The following JAKMIP1 variants were observed in gnomAD, a reference collection of about 807,000 sequenced individuals.
JAKMIP1 encodes janus kinase and microtubule interacting protein 1.
JAKMIP1 carries 33 observed loss-of-function variants against 113.0 expected under a neutral mutation model. The observed-to-expected ratio is 0.29, with a 90% CI of 0.22 to 0.39. The LOEUF (loss-of-function observed/expected upper bound fraction) is 0.39. JAKMIP1 is among the 10% of genes least tolerant of loss of function. The pLI, the probability that JAKMIP1 is intolerant of heterozygous loss-of-function variation, is 1.00. For synonymous variants in JAKMIP1, 480 were observed against 459.9 expected, an observed-to-expected ratio of 1.04 and a Z score of -0.56; for missense variants, 813 against 1,080.5, an observed-to-expected ratio of 0.75 and a Z score of 3.47.
rs1040798339 is a variant in JAKMIP1 at position 6,041,009 on chromosome 4, C to T, written c.2098-293G>A. The stretch of plus-strand genomic sequence containing the variant: ...AGAAGGGACCCACCTCAAACCAAGG[C>T]GCAAGTCACAGGAGTCCTTCTAGGT... On this transcript the variant is annotated intron_variant, in intron 17 of 20. Transcript: ENST00000409021. 5.9e-5 allele frequency among the ~76,000 whole-genome samples: 9 copies of T among 152,196 alleles called. No individual in the cohort carries two copies. The East Asian group carries it at 1.2e-3, about 20-fold the overall frequency.
chr4:6,072,874 T>A (rs1719169160), intron 8 of JAKMIP1, among the ~76,000 whole-genome samples: 1 of 151,718 alleles, frequency 6.6e-6, no homozygotes, highest in African/African-American at 2.4e-5. Flanking sequence ...AGGTCAGGAG[T>A]TCGAGACCAG....
rs549889580 is a variant in JAKMIP1, at chr4:6,044,316, G to A, written c.2029-2089C>T. Among the ~76,000 whole-genome samples the A allele has an allele frequency of 1.3e-5, 2 of 152,118 alleles. No homozygotes were observed. The highest frequency in any genetic ancestry group is 2.9e-5 in the Non-Finnish European group (2 of 68,026). On this transcript the variant is annotated intron_variant, in intron 16 of 20. Coordinates refer to ENST00000409021, the MANE Select transcript of JAKMIP1 (RefSeq NM_001099433.2). This position sits in a 1 kb window ranked among gnomAD's most constrained non-coding sequence, Gnocchi z 4.4. ...AGCAGGTGCCTAATAAACTTCTGTC[G>A]AATGAAGGAGAATCAAGGCTGTGCA...
rs577255790 is a variant in JAKMIP1, at chr4:6,181,524, C to T, written c.-148+18729G>A. Among the ~76,000 whole-genome samples, 64 of 152,268 alleles carry T rather than the reference C, an allele frequency of 4.2e-4. No individual in the cohort carries two copies. The highest frequency in any genetic ancestry group is 1.5e-3 in the African/African-American group (63 of 41,562). On this transcript the variant is annotated intron_variant, in intron 1 of 20. Coordinates refer to ENST00000409021, the MANE Select transcript of JAKMIP1 (RefSeq NM_001099433.2). This position sits in a 1 kb window ranked among gnomAD's most constrained non-coding sequence, Gnocchi z 5.4. ...GGAGCTCCTAGCCAAGCAAAGGAGA[C>T]ACTGTAACAAGCCCAGGTGATAACT...
chr4:6,101,768 T>C (rs1335888299), intron 3 of JAKMIP1, among the ~76,000 whole-genome samples: 1 of 146,874 alleles, frequency 6.8e-6, no homozygotes, highest in East Asian at 2.0e-4. Flanking sequence ...TAGCCGGGCA[T>C]GGTGGCAGGC....
At position 6,156,798 on chromosome 4, in the gene JAKMIP1, T is replaced by A. The variant is rs1407293194; in HGVS notation, c.-148+43455A>T. On this transcript the variant is annotated intron_variant, in intron 1 of 20. Coordinates refer to ENST00000409021, the MANE Select transcript of JAKMIP1 (RefSeq NM_001099433.2). This position sits in a 1 kb window ranked among gnomAD's most constrained non-coding sequence, Gnocchi z 5.0. The stretch of plus-strand genomic sequence containing the variant: ...CCCCAGATGTCTGGTCTTGGGAATC[T>A]CATGGCCACACCTGGCACATGGACA... 6.6e-6 allele frequency among the ~76,000 whole-genome samples: 1 copy of A among 152,258 alleles called. No individual in the cohort carries two copies. Among genetic ancestry groups the A allele is most frequent in the African/African-American group, 2.4e-5 (1 of 41,464 alleles).
chr4:6,175,269 C>T (rs1188495916), intron 1 of JAKMIP1, among the ~76,000 whole-genome samples: 1 of 152,168 alleles, frequency 6.6e-6, no homozygotes, highest in East Asian at 1.9e-4. Flanking sequence ...TGTGATAGAA[C>T]CGGGACACAA....
At chr4:6,066,360 G>A (rs1163441423) in intron 8 of JAKMIP1, among the ~76,000 whole-genome samples, 1 of 152,150 alleles carries the variant, frequency 6.6e-6, no homozygotes, top group East Asian at 1.9e-4. Context: ...TGCTGCAAGG[G>A]AGGCACCCAC....
chr4:6,048,832 G>A (rs765240923), intron 16 of JAKMIP1, 25 bp downstream of exon 16: 4 of 1,602,550 alleles, frequency 2.5e-6, no homozygotes, highest in Non-Finnish European at 3.4e-6. Flanking sequence ...CAAGGTGTGA[G>A]CACAGAAATG....
At position 6,040,500 on chromosome 4, in the gene JAKMIP1, C is replaced by G; in HGVS notation, c.2175+139G>C. 1 of 715,588 alleles carries G rather than the reference C, an allele frequency of 1.4e-6. No individual in the cohort carries two copies. The allele number at this position is 715,588 out of a possible 1,614,324, so 44.3% of individuals were successfully genotyped here. A position where few individuals can be genotyped will look rare whatever the true frequency, so the allele number is the denominator to read the frequency against. On this transcript the variant is annotated intron_variant, in intron 18 of 20. Coordinates refer to ENST00000409021, the MANE Select transcript of JAKMIP1 (RefSeq NM_001099433.2). The surrounding 1 kb of genome is among the most constrained non-coding windows in gnomAD (Gnocchi z 5.8). ...GGACAGTCTGTACGGTCATTCCAGT[C>G]ACAAGGTGGAGATGGCATTTTTATC...
chr4:6,127,911 G>A (rs1034807885), intron 1 of JAKMIP1, among the ~76,000 whole-genome samples: 10 of 152,154 alleles, frequency 6.6e-5, no homozygotes, highest in Admixed American at 3.3e-4. Flanking sequence ...CCCAAAATGC[G>A]TCCACTCCCC....
intron 1 of JAKMIP1, among the ~76,000 whole-genome samples, chr4:6,191,724 C>T (rs559657587): frequency 7.9e-5 from 12 of 152,208 alleles, no homozygotes; most frequent in Non-Finnish European, 1.3e-4. Flanking sequence ...ACAACATGCA[C>T]GCCACGTGTA....
In JAKMIP1 at chr4:6,051,316, G is replaced by A. The variant is rs1452521188; in HGVS notation, c.1807-637C>T. On this transcript the variant is annotated intron_variant, in intron 13 of 20. Transcript: ENST00000409021. The surrounding 1 kb of genome is among the most constrained non-coding windows in gnomAD (Gnocchi z 5.0). ...TGGCTCACTGCAACCTCCACCTCCC[G>A]GGTTCAAGTGATTCTCCTGCCTCAG... Among the ~76,000 whole-genome samples the A allele has an allele frequency of 4.0e-5, 6 of 151,424 alleles. No individual in the cohort carries two copies. Among genetic ancestry groups the A allele is most frequent in the South Asian group, 2.1e-4 (1 of 4,786 alleles).
At position 6,049,062 on chromosome 4, in the gene JAKMIP1, C is replaced by A; in HGVS notation, c.1963-140G>T. 1 of 669,258 alleles carries A rather than the reference C, an allele frequency of 1.5e-6. No homozygotes were observed. The highest frequency in any genetic ancestry group is 2.6e-6 in the Non-Finnish European group (1 of 380,872). The allele number at this position is 669,258 out of a possible 1,614,324, so 41.5% of individuals were successfully genotyped here. ...GTTTGTTTTGAGACGGAGTCTCTCT[C>A]TGTCACCTGGGTTTGAGTGCAGTGG... is the stretch of plus-strand genomic sequence containing the variant. On this transcript the variant is annotated intron_variant, in intron 15 of 20. Coordinates refer to ENST00000409021, the MANE Select transcript of JAKMIP1 (RefSeq NM_001099433.2). The surrounding 1 kb of genome is among the most constrained non-coding windows in gnomAD (Gnocchi z 7.0).
chr4:6,105,752 G>T lies in JAKMIP1; in HGVS notation c.345C>A (p.Ala115=). 1 of 1,603,034 alleles carries T rather than the reference G, an allele frequency of 6.2e-7. No individual in the cohort carries two copies. The highest frequency in any genetic ancestry group is 1.3e-5 in the African/African-American group (1 of 74,988). Residue 115 remains alanine, a synonymous_variant, in exon 3 of 21, where the codon GCC becomes GCA. Transcript: ENST00000409021. ...IKEGELQRLQ[A]TLNVLRDGAA... ...CGCCGTCGCGCAGCACGTTCAGCGTGGCCTGCAGCCGCTGCAGCTCGCCCT... is the reference window on the plus strand; with the variant it reads ...CGCCGTCGCGCAGCACGTTCAGCGTTGCCTGCAGCCGCTGCAGCTCGCCCT...
At chr4:6,122,519 T>C (rs1466176095) in intron 1 of JAKMIP1, among the ~76,000 whole-genome samples, 2 of 152,196 alleles carry the variant, frequency 1.3e-5, no homozygotes, top group East Asian at 1.9e-4. Flanking sequence ...TTCTTGTCTT[T>C]AAAAGATGGT....
In JAKMIP1 at chr4:6,044,454, C is replaced by T. The variant is rs950966511; in HGVS notation, c.2029-2227G>A. On this transcript the variant is annotated intron_variant, in intron 16 of 20. Transcript: ENST00000409021. This position sits in a 1 kb window ranked among gnomAD's most constrained non-coding sequence, Gnocchi z 4.4. Reference sequence around the variant, plus strand: ...CTCGGCCCCCAGTACGGGCTCTGTGCCAGCCACGGTGGCAGCACCCAGCAC... The same window carrying T: ...CTCGGCCCCCAGTACGGGCTCTGTGTCAGCCACGGTGGCAGCACCCAGCAC... 7.0e-5 allele frequency among the ~76,000 whole-genome samples: 10 copies of T among 143,812 alleles called. No homozygotes were observed. Among genetic ancestry groups the T allele is most frequent in the African/African-American group, 2.3e-4 (9 of 39,576 alleles). 94.3% of individuals were successfully genotyped at this position (143,812 alleles called of 152,430 possible). A position where few individuals can be genotyped will look rare whatever the true frequency, so the allele number is the denominator to read the frequency against.
Position 6,158,931 on chromosome 4 carries a change from A to G in JAKMIP1, c.-148+41322T>C, listed in dbSNP as rs1394368523. Among the ~76,000 whole-genome samples the G allele has an allele frequency of 6.6e-6, 1 of 152,116 alleles. No homozygotes were observed. The highest frequency in any genetic ancestry group is 1.9e-4 in the East Asian group (1 of 5,188). ...TGGTGAAACCCCATCTCTACAAAAA[A>G]TACAAAAATTAGCGGGGCATAGTGG... On this transcript the variant is annotated intron_variant, in intron 1 of 20. Coordinates refer to ENST00000409021, the MANE Select transcript of JAKMIP1 (RefSeq NM_001099433.2). The surrounding 1 kb of genome is among the most constrained non-coding windows in gnomAD (Gnocchi z 5.3).
intron 1 of JAKMIP1, among the ~76,000 whole-genome samples, chr4:6,148,687 G>C (rs1721179595): frequency 6.6e-6 from 1 of 152,240 alleles, no homozygotes; most frequent in Admixed American, 6.5e-5. Context: ...CGGCAGCCCT[G>C]CGTTCTTGTT....
At chr4:6,166,656 A>G (rs1452819917) in intron 1 of JAKMIP1, among the ~76,000 whole-genome samples, 1 of 152,256 alleles carries the variant, frequency 6.6e-6, no homozygotes, top group Admixed American at 6.5e-5. Context: ...CATATGCGGC[A>G]TTTTATGTGA....
Sources: gnomAD v4.1 joint callset for allele counts (sites outside exome capture counted in the v4.1 genomes callset) on GRCh38, gnomAD v4.1.1 for gene constraint, Gnocchi (gnomAD v3.1) non-coding constraint, MANE v1.5 for transcripts, NCBI Gene and HGNC (gene_info 2026-07-23, HGNC 2026-07-21) for gene names.